Variants in KCND3 observed in about 807,000 individuals in gnomAD.
The protein encoded by KCND3 is potassium voltage-gated channel subfamily D member 3.
KCND3 carries 9 observed loss-of-function variants against 51.1 expected under a neutral mutation model. That is an observed-to-expected ratio of 0.18 (90% CI 0.11 to 0.31). The LOEUF (loss-of-function observed/expected upper bound fraction) is 0.31, where lower values mean the gene tolerates loss of function less well. Ranked by LOEUF, KCND3 falls within the 10% of genes least tolerant of loss-of-function variation. The probability of loss-of-function intolerance (pLI) is 1.00; values close to 1 mark genes in which losing one functional copy is unlikely to be tolerated. For synonymous variants in KCND3, 349 were observed against 368.0 expected (o/e 0.95, Z 0.59); for missense variants, 526 against 903.8 (o/e 0.58, Z 5.36).
At chr1:111,962,212 T>C in intron 2 of KCND3, among the ~76,000 whole-genome samples, 1 of 152,258 alleles carries the variant, frequency 6.6e-6, no homozygotes, top group East Asian at 1.9e-4. Context: ...GGTGGGTTTC[T>C]GTTTGATCAC....
intron 1 of KCND3, among the ~76,000 whole-genome samples, chr1:111,984,352 C>T (rs77759830): frequency 1.1e-3 from 169 of 152,310 alleles, no homozygotes; most frequent in Middle Eastern, 3.4e-3. Flanking sequence ...ACAGAACCTG[C>T]CTCCTTGTAA....
At chr1:111,923,393 C>T (rs1042864365) in intron 2 of KCND3, among the ~76,000 whole-genome samples, 1 of 152,228 alleles carries the variant, frequency 6.6e-6, no homozygotes, top group Non-Finnish European at 1.5e-5. Flanking sequence ...AGATGTGCCC[C>T]AAGATTGCCC....
At chr1:111,845,941 G>C (rs555949766) in intron 2 of KCND3, among the ~76,000 whole-genome samples, 1 of 152,274 alleles carries the variant, frequency 6.6e-6, no homozygotes, top group African/African-American at 2.4e-5. Context: ...TAAAGGTCTG[G>C]TTGGCTTCAG....
At chr1:111,893,933 C>A (rs1045505351) in intron 2 of KCND3, among the ~76,000 whole-genome samples, 21 of 152,136 alleles carry the variant, frequency 1.4e-4, no homozygotes, top group African/African-American at 5.1e-4. Flanking sequence ...GAAGAAGGTC[C>A]ATGCCCCCAT....
chr1:111,960,162 T>G (rs941213943), intron 2 of KCND3, among the ~76,000 whole-genome samples: 1 of 152,188 alleles, frequency 6.6e-6, no homozygotes, highest in Non-Finnish European at 1.5e-5. Context: ...GTGTCTTTAT[T>G]AGCAGCATGA....
chr1:111,789,002 T>C (rs1019487211), intron 2 of KCND3, among the ~76,000 whole-genome samples: 19 of 152,270 alleles, frequency 1.2e-4, no homozygotes, highest in African/African-American at 4.1e-4. Flanking sequence ...AATAGCCCCA[T>C]TGATGAAGAA....
chr1:111,945,646 T>A (rs1356846043), intron 2 of KCND3, among the ~76,000 whole-genome samples: 1 of 152,204 alleles, frequency 6.6e-6, no homozygotes, highest in Non-Finnish European at 1.5e-5. Flanking sequence ...TTCATCACTT[T>A]CTCAGAGCCC....
chr1:111,915,055 A>AG (rs1425838815), intron 2 of KCND3, among the ~76,000 whole-genome samples: 4 of 152,334 alleles, frequency 2.6e-5, no homozygotes, highest in African/African-American at 9.6e-5. Context: ...TATTATTAGA[A>AG]GGCAGATTTT....
At chr1:111,844,287 G>A (rs1042409556) in intron 2 of KCND3, among the ~76,000 whole-genome samples, 2 of 152,176 alleles carry the variant, frequency 1.3e-5, no homozygotes, top group Non-Finnish European at 2.9e-5. Context: ...TTTCCAGGAG[G>A]TGGGGAGGCC....
chr1:111,856,329 T>A (rs937438494), intron 2 of KCND3, among the ~76,000 whole-genome samples: 2 of 152,240 alleles, frequency 1.3e-5, no homozygotes, highest in African/African-American at 4.8e-5. Flanking sequence ...GCTTGCCCTC[T>A]TTGGTCCCTG....
At chr1:111,829,543 C>T (rs1268293450) in intron 2 of KCND3, among the ~76,000 whole-genome samples, 1 of 152,122 alleles carries the variant, frequency 6.6e-6, no homozygotes, top group Non-Finnish European at 1.5e-5. Context: ...GGAAAGACTA[C>T]AAATCTGATT....
intron 2 of KCND3, among the ~76,000 whole-genome samples, chr1:111,800,020 C>A (rs1261700483): frequency 1.3e-5 from 2 of 151,752 alleles, no homozygotes. Flanking sequence ...TCTGCCCGGC[C>A]ACCACCCCGT....
intron 3 of KCND3, among the ~76,000 whole-genome samples, chr1:111,785,680 G>A (rs1045764654): frequency 1.6e-4 from 24 of 152,072 alleles, no homozygotes; most frequent in African/African-American, 4.1e-4. Flanking sequence ...GCTAGCTTTC[G>A]TAACCTTTAT....
intron 2 of KCND3, among the ~76,000 whole-genome samples, chr1:111,958,329 C>A (rs536351443): frequency 1.3e-5 from 2 of 152,292 alleles, no homozygotes; most frequent in East Asian, 3.9e-4. Context: ...CCCTGCAGGA[C>A]CCTGAGCTGC....
At chr1:111,811,472 A>G (rs1665845182) in intron 2 of KCND3, among the ~76,000 whole-genome samples, 2 of 152,184 alleles carry the variant, frequency 1.3e-5, no homozygotes, top group Admixed American at 1.3e-4. Context: ...AAAAGCTGTG[A>G]GGGGTCTGTC....
In KCND3 at chr1:111,878,286, G is replaced by T. The variant is rs142814690; in HGVS notation, c.1107-91180C>A. ...TCCTATTTCCCAGAGTGTGAAATGCGCTTCCCTCCTGCCAGCCACAATATG... is the reference window on the plus strand; with the variant it reads ...TCCTATTTCCCAGAGTGTGAAATGCTCTTCCCTCCTGCCAGCCACAATATG... On this transcript the variant is annotated intron_variant, in intron 2 of 7. Transcript: ENST00000302127. Among the ~76,000 whole-genome samples, 42 of 152,298 alleles carry T rather than the reference G, an allele frequency of 2.8e-4. 1 individual carries two copies. In the South Asian group the frequency reaches 7.5e-3, roughly 27 times the overall value.
At chr1:111,903,374 G>A (rs1451283156) in intron 2 of KCND3, among the ~76,000 whole-genome samples, 1 of 152,216 alleles carries the variant, frequency 6.6e-6, no homozygotes, top group Non-Finnish European at 1.5e-5. Flanking sequence ...TTTTCCAAAT[G>A]TCCCTGCTAG....
chr1:111,939,436 G>T (rs1672382901), intron 2 of KCND3, among the ~76,000 whole-genome samples: 1 of 151,994 alleles, frequency 6.6e-6, no homozygotes, highest in Non-Finnish European at 1.5e-5. Context: ...GTGCCCATAT[G>T]TTCTCATTGT....
intron 2 of KCND3, among the ~76,000 whole-genome samples, chr1:111,885,375 A>G (rs1296936943): frequency 6.6e-6 from 1 of 152,224 alleles, no homozygotes; most frequent in African/African-American, 2.4e-5. Context: ...ATGTCATAAG[A>G]CTGGTAGACA....
Sources: allele counts gnomAD v4.1 joint callset (sites outside exome capture counted in the v4.1 genomes callset), GRCh38; gene constraint gnomAD v4.1.1; transcripts MANE v1.5; gene names NCBI Gene and HGNC (gene_info 2026-07-23, HGNC 2026-07-21).